Variants in OPN4 observed in about 807,000 individuals in gnomAD.
OPN4 encodes the protein opsin 4, also known as melanopsin.
In OPN4, 43 loss-of-function variants were observed where a neutral mutation model predicts 49.5. The observed-to-expected ratio is 0.87, with a 90% CI of 0.68 to 1.12. The LOEUF (loss-of-function observed/expected upper bound fraction) is 1.12. OPN4 is among the 50% of genes most tolerant of loss of function. OPN4 has a pLI of 0.00. For synonymous variants in OPN4, 263 were observed against 258.0 expected, an observed-to-expected ratio of 1.02 and a Z score of -0.19; for missense variants, 657 against 643.9, an observed-to-expected ratio of 1.02 and a Z score of -0.22.
rs143437081 is a variant in OPN4, at chr10:86,663,727, C to T, written c.1323C>T (p.Tyr441=). 5.9e-5 allele frequency: 93 copies of T among 1,579,590 alleles called. 1 individual carries two copies. The highest frequency in any genetic ancestry group is 2.3e-4 in the Admixed American group (13 of 55,380). The change falls in exon 9 of 10, where the codon TAC becomes TAT. Residue 441 remains tyrosine (Y), a synonymous_variant. Coordinates refer to ENST00000241891, the MANE Select transcript of OPN4 (RefSeq NM_033282.4). ...AAQQANGRSL[Y]GQGLEDLEAK... ...AGCAAGCAAATGGGCGGTCCCTCTA[C>T]GGTCAGGGTCTGGAGGACTTGGAAG...
chr10:86,654,839 G>A lies in OPN4; in HGVS notation c.56G>A (p.Cys19Tyr), dbSNP rs891464950. ...VPPSPTQEPS[C>Y]MATPAPPSWW... ...CCCAGCCCAACCCAAGAGCCCAGCT[G>A]CATGGCCACCCCAGCACCACCCAGC... Residue 19 changes from cysteine to tyrosine, a missense_variant, in exon 1 of 10, where the codon TGC (cysteine) becomes TAC (tyrosine). Cys to Tyr is a radical substitution (Grantham distance 194). Transcript: ENST00000241891. The A allele has an allele frequency of 6.2e-7, 1 of 1,610,264 alleles. No homozygotes were observed. The highest frequency in any genetic ancestry group is 8.5e-7 in the Non-Finnish European group (1 of 1,176,804).
intron 9 of OPN4, chr10:86,664,126 G>A (rs190824332): frequency 2.2e-4 from 59 of 262,540 alleles, no homozygotes; most frequent in African/African-American, 1.1e-3. Context: ...GAGGTCTGCA[G>A]CCGTCAGAGC....
Position 86,654,639 on chromosome 10 carries a change from G to A in OPN4, c.-145G>A, listed in dbSNP as rs957600657. On this transcript the variant is annotated 5_prime_UTR_variant, in exon 1 of 10. Transcript: ENST00000241891. ...AAGAGCAGCTCCAGGCTGGATCTGCGCCGGACACAGGAGAAAGCAGCGGGT... is the reference window on the plus strand; with the variant it reads ...AAGAGCAGCTCCAGGCTGGATCTGCACCGGACACAGGAGAAAGCAGCGGGT... The A allele has an allele frequency of 1.2e-5, 14 of 1,183,304 alleles. No individual in the cohort carries two copies. Among genetic ancestry groups the A allele is most frequent in the East Asian group, 9.6e-5 (4 of 41,574 alleles). 73.3% of individuals were successfully genotyped at this position (1,183,304 alleles called of 1,614,324 possible).
intron 5 of OPN4, 127 bp downstream of exon 5, chr10:86,659,595 C>A: frequency 7.5e-7 from 1 of 1,329,938 alleles, no homozygotes; most frequent in Non-Finnish European, 1.0e-6. Flanking sequence ...GCAAGCTGAG[C>A]AAGTGCTTAT....
chr10:86,665,714 C>T lies in OPN4; in HGVS notation c.1400C>T (p.Thr467Ile). ...CAGATGTGTGCTGTTTGTTTGCAGA[C>T]CAAGGGGCTGATCCCCAGCCAGGAC... is the stretch of plus-strand genomic sequence containing the variant. ...QGHEAETPGK[T>I]KGLIPSQDPR... Residue 467 changes from threonine to isoleucine, a missense_variant and splice_region_variant, in exon 10 of 10, where the codon ACC (threonine) becomes ATC (isoleucine). Coordinates refer to ENST00000241891, the MANE Select transcript of OPN4 (RefSeq NM_033282.4). 1 of 1,613,570 alleles carries T rather than the reference C, an allele frequency of 6.2e-7. No individual in the cohort carries two copies. The highest frequency in any genetic ancestry group is 8.5e-7 in the Non-Finnish European group (1 of 1,179,600).
At position 86,658,778 on chromosome 10, in the gene OPN4, C is replaced by T. The variant is rs3740332; in HGVS notation, c.628+91C>T. On this transcript the variant is annotated intron_variant, in intron 4 of 9. Coordinates refer to ENST00000241891, the MANE Select transcript of OPN4 (RefSeq NM_033282.4). ...AGGTGGACTTGGGTCAGCCAGCTGG[C>T]GGGAGCAGGGTGCCCAGGAGCTACC... The T allele has an allele frequency of 0.16, 224,705 of 1,409,776 alleles. 21,330 individuals are homozygous for T. Among genetic ancestry groups the T allele is most frequent in the East Asian group, 0.48 (20,585 of 43,278 alleles). The allele number at this position is 1,409,776 out of a possible 1,614,324, so 87.3% of individuals were successfully genotyped here.
chr10:86,661,713 G>A (rs1844012980), intron 7 of OPN4, among the ~76,000 whole-genome samples: 1 of 125,554 alleles, frequency 8.0e-6, no homozygotes. Context: ...CTCCCCGACA[G>A]TGTCATCCTG....
At chr10:86,663,864 G>A (rs1418637594) in intron 9 of OPN4, 62 bp downstream of exon 9, 2 of 1,527,926 alleles carry the variant, frequency 1.3e-6, no homozygotes, top group Non-Finnish European at 1.8e-6. Context: ...AGTAGCCCAG[G>A]GAGAGGCCAG....
chr10:86,659,543 C>G lies in OPN4; in HGVS notation c.800+75C>G. On this transcript the variant is annotated intron_variant, in intron 5 of 9. Transcript: ENST00000241891. ...GCCAGGCGGCCCCTGCCCCACCACTCACACCTGCACCAGCCTACCAGAGCA... is the reference window on the plus strand; with the variant it reads ...GCCAGGCGGCCCCTGCCCCACCACTGACACCTGCACCAGCCTACCAGAGCA... 4 of 1,535,010 alleles carry G rather than the reference C, an allele frequency of 2.6e-6. No individual in the cohort carries two copies. The South Asian group carries it at 3.7e-5, about 14-fold the overall frequency.
chr10:86,663,545 C>T, intron 8 of OPN4, 114 bp from the exon 9 acceptor site: 1 of 977,482 alleles, frequency 1.0e-6, no homozygotes, highest in South Asian at 2.6e-5. Flanking sequence ...GTGTCAGGGG[C>T]CTCCCGCAAT....
chr10:86,657,865 G>T (rs1564619849), intron 2 of OPN4, among the ~76,000 whole-genome samples, 167 bp from the exon 3 acceptor site: 1 of 152,188 alleles, frequency 6.6e-6, no homozygotes, highest in African/African-American at 2.4e-5. Context: ...CCCGACAGTG[G>T]GATAGCTCTG....
intron 7 of OPN4, 142 bp downstream of exon 7, chr10:86,661,530 TG>T: frequency 3.1e-6 from 2 of 646,754 alleles, no homozygotes; most frequent in South Asian, 3.8e-5. Context: ...TGACACTGAG[TG>T]GGGTCTGGAG....
At chr10:86,661,809 A>G (rs1844015125) in intron 7 of OPN4, among the ~76,000 whole-genome samples, 2 of 151,678 alleles carry the variant, frequency 1.3e-5, no homozygotes, top group African/African-American at 2.4e-5. Flanking sequence ...GCATGCTGAT[A>G]GCAACCCGGC....
chr10:86,655,465 C>A (rs1333474670), intron 1 of OPN4, among the ~76,000 whole-genome samples: 1 of 152,292 alleles, frequency 6.6e-6, no homozygotes, highest in Non-Finnish European at 1.5e-5. Flanking sequence ...GGGGCCACTG[C>A]GGCAGGACAG....
chr10:86,664,262 A>G (rs1295277013), intron 9 of OPN4, among the ~76,000 whole-genome samples: 1 of 152,168 alleles, frequency 6.6e-6, no homozygotes. Flanking sequence ...GTCTGCTTTA[A>G]GCTGTGCATG....
At chr10:86,658,452 C>T (rs1285958626) in intron 3 of OPN4, 32 bp from the exon 4 acceptor site, 14 of 1,610,240 alleles carry the variant, frequency 8.7e-6, no homozygotes, top group Non-Finnish European at 1.0e-5. Flanking sequence ...GACCCTCCTC[C>T]CCAGGACTCA....
At chr10:86,662,537 T>C in intron 8 of OPN4, 105 bp downstream of exon 8, 1 of 1,118,956 alleles carries the variant, frequency 8.9e-7, no homozygotes, top group Non-Finnish European at 1.2e-6. Flanking sequence ...CCTCTGAGAC[T>C]CAGGGACACT....
rs761366709 is a variant in OPN4 at position 86,660,034 on chromosome 10, G to A, written c.940G>A (p.Ala314Thr). Residue 314 changes from alanine (A) to threonine (T), a missense_variant, in exon 6 of 10, where the codon GCT becomes ACT. Ala to Thr is a moderately conservative substitution (Grantham distance 58, BLOSUM62 0). Coordinates refer to ENST00000241891, the MANE Select transcript of OPN4 (RefSeq NM_033282.4). ...CGTGCTCTCCTGGGCTCCCTATTCC[G>A]CTGTGGCCCTGGTGGCCTTTGCTGG... ...LFVLSWAPYSAVALVAFAGYA... is the reference protein window; with the variant it reads ...LFVLSWAPYSTVALVAFAGYA... The A allele has an allele frequency of 2.1e-5, 34 of 1,614,068 alleles. No homozygotes were observed. The highest frequency in any genetic ancestry group is 1.4e-4 in the South Asian group (13 of 91,090).
chr10:86,661,001 C>T (rs1843990147), intron 6 of OPN4, among the ~76,000 whole-genome samples: 1 of 152,156 alleles, frequency 6.6e-6, no homozygotes, highest in African/African-American at 2.4e-5. Flanking sequence ...GTGACGGGCA[C>T]CTGTAGTCCC....
Sources: gnomAD v4.1 joint callset for allele counts (sites outside exome capture counted in the v4.1 genomes callset) on GRCh38, gnomAD v4.1.1 for gene constraint, MANE v1.5 for transcripts, NCBI Gene and HGNC (gene_info 2026-07-23, HGNC 2026-07-21) for gene names.